Variants in TNIK observed in about 807,000 individuals in gnomAD.
The protein encoded by TNIK is TRAF2 and NCK interacting kinase.
Under a neutral mutation model 191.3 loss-of-function variants are expected in TNIK, and 49 were observed. The observed-to-expected ratio is 0.26, with a 90% CI of 0.20 to 0.32. The LOEUF (loss-of-function observed/expected upper bound fraction) is 0.32, where lower values mean the gene tolerates loss of function less well. Among genes scored for constraint, TNIK ranks in the 10% least tolerant of loss-of-function variants. The pLI is 1.00. For missense variants in TNIK, 1,155 were observed against 1,702.3 expected (o/e 0.68, Z 5.66); for synonymous variants, 594 against 600.9 (o/e 0.99, Z 0.17).
intron 2 of TNIK, among the ~76,000 whole-genome samples, chr3:171,328,959 T>A (rs182957435): frequency 6.6e-5 from 10 of 152,310 alleles, no homozygotes; most frequent in African/African-American, 2.4e-4. Flanking sequence ...TCAGGGCCTT[T>A]GTACTTGTTA....
intron 3 of TNIK, among the ~76,000 whole-genome samples, chr3:171,214,999 T>G (rs552347705): frequency 6.6e-6 from 1 of 152,190 alleles, no homozygotes; most frequent in Admixed American, 6.5e-5. Flanking sequence ...CATCAAGAGG[T>G]GGAGTCCATT....
At chr3:171,167,037 C>T (rs1183651141) in intron 10 of TNIK, 58 bp downstream of exon 10, 101 of 1,554,812 alleles carry the variant, frequency 6.5e-5, no homozygotes, top group Non-Finnish European at 4.0e-5. Flanking sequence ...ATACATCAAG[C>T]GCCCATGATT....
chr3:171,108,184 C>A, intron 19 of TNIK, 22 bp from the exon 20 acceptor site: 1 of 1,510,344 alleles, frequency 6.6e-7, no homozygotes. Context: ...AAACAGAGGA[C>A]CAAGAAAGAG....
chr3:171,251,615 A>T (rs1048679202), intron 2 of TNIK, among the ~76,000 whole-genome samples: 1 of 152,224 alleles, frequency 6.6e-6, no homozygotes, highest in Non-Finnish European at 1.5e-5. Flanking sequence ...GGGCCTAATT[A>T]TCAAGAACCT....
intron 2 of TNIK, among the ~76,000 whole-genome samples, chr3:171,264,780 C>T (rs16848006): frequency 0.063 from 9,521 of 152,206 alleles, 346 homozygotes; most frequent in Middle Eastern, 0.12. Flanking sequence ...AAGAAGGAAG[C>T]GATAGCCCTG....
intron 18 of TNIK, 87 bp from the exon 19 acceptor site, chr3:171,110,964 A>AATAT: frequency 7.5e-6 from 10 of 1,333,236 alleles, no homozygotes; most frequent in Non-Finnish European, 9.8e-6. Flanking sequence ...TAATACCCAA[A>AATAT]ATATGTAAGG....
chr3:171,070,761 C>T (rs977098376), intron 29 of TNIK, among the ~76,000 whole-genome samples: 3 of 152,166 alleles, frequency 2.0e-5, no homozygotes, highest in Non-Finnish European at 4.4e-5. Flanking sequence ...TAAGTTAGCA[C>T]TGGGGACATA....
At chr3:171,244,621 T>C (rs962486233) in intron 2 of TNIK, among the ~76,000 whole-genome samples, 3 of 152,010 alleles carry the variant, frequency 2.0e-5, no homozygotes, top group Admixed American at 2.0e-4. Context: ...ACCATGGCTT[T>C]AAGTAAATAT....
chr3:171,374,079 A>G (rs1187109916), intron 1 of TNIK, among the ~76,000 whole-genome samples: 2 of 152,220 alleles, frequency 1.3e-5, no homozygotes, highest in Non-Finnish European at 2.9e-5. Context: ...TTACTGAATA[A>G]GGTTGATGTC....
intron 23 of TNIK, among the ~76,000 whole-genome samples, chr3:171,090,427 CTTTTTTTTTT>C (rs375076101): frequency 1.4e-5 from 2 of 140,350 alleles, no homozygotes; most frequent in Non-Finnish European, 3.1e-5. Context: ...TTCTTTCTTT[CTTTTTTTTTT>C]TTTTGCTTAC....
intron 22 of TNIK, among the ~76,000 whole-genome samples, chr3:171,099,267 A>G (rs1049522317): frequency 6.6e-6 from 1 of 152,100 alleles, no homozygotes; most frequent in African/African-American, 2.4e-5. Context: ...TGATTTCACT[A>G]GTCCAGACTC....
intron 28 of TNIK, among the ~76,000 whole-genome samples, chr3:171,072,738 A>C (rs1719362011): frequency 6.6e-6 from 1 of 152,124 alleles, no homozygotes; most frequent in Admixed American, 6.6e-5. Flanking sequence ...ACACAAAATT[A>C]ATGCACAAAA....
At chr3:171,429,485 T>A (rs371975681) in intron 1 of TNIK, among the ~76,000 whole-genome samples, 5 of 152,236 alleles carry the variant, frequency 3.3e-5, no homozygotes, top group African/African-American at 1.2e-4. Context: ...CTTTTAAATA[T>A]GTTTTCTACT....
chr3:171,243,166 G>C (rs1745185296), intron 2 of TNIK, among the ~76,000 whole-genome samples: 1 of 152,066 alleles, frequency 6.6e-6, no homozygotes, highest in African/African-American at 2.4e-5. Flanking sequence ...TCCGGATAAG[G>C]TGAGTTCTTT....
chr3:171,264,089 CACACACACACACACACACACACATATAT>C (rs1414265378), intron 2 of TNIK, among the ~76,000 whole-genome samples: 1 of 98,852 alleles, frequency 1.0e-5, no homozygotes, highest in African/African-American at 4.4e-5. Context: ...CACACACACA[CACACACACACACACACACACACATATAT>C]ATATATATAT....
At chr3:171,263,991 C>T (rs1472669478) in intron 2 of TNIK, among the ~76,000 whole-genome samples, 20 of 150,588 alleles carry the variant, frequency 1.3e-4, no homozygotes, top group Admixed American at 6.0e-4. Context: ...AGGCATGCTA[C>T]GGAGTTTGTG....
intron 1 of TNIK, among the ~76,000 whole-genome samples, chr3:171,401,886 T>C (rs754594517): frequency 2.6e-5 from 4 of 152,226 alleles, no homozygotes; most frequent in African/African-American, 4.8e-5. Context: ...ATGTTAGCTG[T>C]TATTGTCATT....
chr3:171,386,758 A>C (rs1718787700), intron 1 of TNIK, among the ~76,000 whole-genome samples: 1 of 152,198 alleles, frequency 6.6e-6, no homozygotes, highest in African/African-American at 2.4e-5. Context: ...TCTTCAGTCA[A>C]GTATCATTCA....
intron 16 of TNIK, among the ~76,000 whole-genome samples, chr3:171,127,813 T>C (rs1396304406): frequency 2.0e-5 from 3 of 152,212 alleles, no homozygotes; most frequent in African/African-American, 7.2e-5. Context: ...TTATCACTAC[T>C]CTTTTAAACT....
Sources: allele counts gnomAD v4.1 joint callset (sites outside exome capture counted in the v4.1 genomes callset), GRCh38; gene constraint gnomAD v4.1.1; transcripts MANE v1.5; gene names NCBI Gene and HGNC (gene_info 2026-07-23, HGNC 2026-07-21).